Variants in RNF128 observed in about 807,000 individuals in gnomAD.
RNF128 encodes E3 ubiquitin-protein ligase RNF128.
A neutral mutation model predicts 26.2 loss-of-function variants in RNF128; 13 were observed. The observed-to-expected ratio is 0.50, with a 90% CI of 0.32 to 0.79. RNF128 has a LOEUF of 0.79. RNF128 is among the 30% of genes least tolerant of loss of function. RNF128 has a pLI of 0.03. For synonymous variants in RNF128, 149 were observed against 142.5 expected (o/e 1.05, Z -0.32); for missense variants, 315 against 349.7 (o/e 0.90, Z 0.79).
intron 1 of RNF128, among the ~76,000 whole-genome samples, chrX:106,703,311 T>C (rs1430647637): frequency 2.7e-5 from 3 of 112,091 alleles, no homozygotes; most frequent in African/African-American, 9.7e-5. Context: ...AAGGCAGTTG[T>C]TAATTGTAAG....
chrX:106,778,678 A>T (rs933078950), intron 2 of RNF128, among the ~76,000 whole-genome samples: 10 of 111,671 alleles, frequency 9.0e-5, no homozygotes, highest in African/African-American at 3.3e-4. Flanking sequence ...CAGTCCCTTC[A>T]TCTGAGTCTT....
chrX:106,775,306 G>A (rs1035841623), intron 2 of RNF128, among the ~76,000 whole-genome samples: 1 of 112,055 alleles, frequency 8.9e-6, no homozygotes, highest in African/African-American at 3.2e-5. Flanking sequence ...TATGTTCATG[G>A]TGGGGTATGT....
At chrX:106,726,197 C>T (rs1284851326), upstream of RNF128, among the ~76,000 whole-genome samples, 3 of 111,436 alleles carry the variant, frequency 2.7e-5, no homozygotes, top group African/African-American at 9.8e-5. Flanking sequence ...TTCTTAGGAG[C>T]AGGGAAAGAG....
At chrX:106,710,957 G>A (rs1929117809) in intron 1 of RNF128, among the ~76,000 whole-genome samples, 1 of 111,511 alleles carries the variant, frequency 9.0e-6, no homozygotes, top group Non-Finnish European at 1.9e-5. Context: ...ATATGCAGCT[G>A]AACTGTGCAC....
intron 1 of RNF128, among the ~76,000 whole-genome samples, chrX:106,702,593 C>T (rs1255159274): frequency 9.0e-6 from 1 of 111,680 alleles, no homozygotes; most frequent in African/African-American, 3.3e-5. Flanking sequence ...AGTACATTCC[C>T]TAGGCAGCAA....
At chrX:106,702,301 G>T (rs1928972724) in intron 1 of RNF128, among the ~76,000 whole-genome samples, 1 of 111,158 alleles carries the variant, frequency 9.0e-6, no homozygotes, top group Non-Finnish European at 1.9e-5. Flanking sequence ...CTAAACATGT[G>T]CCATTTGTTC....
chrX:106,752,116 G>A lies in RNF128; in HGVS notation c.485-20797G>A, dbSNP rs1388698887. ...CAGACAGCATTTCTAGACCCACCCT[G>A]GGCCAGAAGGGACACCACCACCCTG... On this transcript the variant is annotated intron_variant, in intron 1 of 6. Transcript: ENST00000255499. Among the ~76,000 whole-genome samples the A allele has an allele frequency of 3.6e-5, 4 of 111,393 alleles. No individual in the cohort carries two copies. The East Asian group carries it at 8.5e-4, about 24-fold the overall frequency.
intron 1 of RNF128, among the ~76,000 whole-genome samples, chrX:106,732,814 AT>A (rs1488251407): frequency 1.8e-5 from 2 of 111,728 alleles, no homozygotes; most frequent in South Asian, 7.4e-4. Context: ...GGGGTGTTTT[AT>A]TTTTTTGATC....
At chrX:106,694,188 T>C in exon 1 of RNF128, 1 of 1,210,185 alleles carries the variant, frequency 8.3e-7, no homozygotes, top group Non-Finnish European at 1.1e-6. Flanking sequence ...CAGTGGCTAA[T>C]GCTATGGGAG....
At chrX:106,764,694 C>A (rs1046271596) in intron 1 of RNF128, among the ~76,000 whole-genome samples, 2 of 111,534 alleles carry the variant, frequency 1.8e-5, no homozygotes, top group Non-Finnish European at 3.8e-5. Flanking sequence ...ACAACAACAA[C>A]AAAAACCAAC....
At chrX:106,747,670 G>A (rs1929812221) in intron 1 of RNF128, among the ~76,000 whole-genome samples, 1 of 111,881 alleles carries the variant, frequency 8.9e-6, no homozygotes, top group African/African-American at 3.2e-5. Context: ...ACACTATCAA[G>A]TTGAGAAATA....
intron 1 of RNF128, among the ~76,000 whole-genome samples, chrX:106,715,837 G>A (rs1341515403): frequency 9.0e-6 from 1 of 111,064 alleles, no homozygotes; most frequent in Non-Finnish European, 1.9e-5. Context: ...GTTCAGGCAG[G>A]GCAACAGAAT....
intron 2 of RNF128, among the ~76,000 whole-genome samples, chrX:106,784,200 C>G (rs1219905964): frequency 9.0e-6 from 1 of 111,618 alleles, no homozygotes; most frequent in Non-Finnish European, 1.9e-5. Flanking sequence ...CCAGTAACTT[C>G]AAATTGACAA....
chrX:106,767,622 G>A (rs772753936), intron 1 of RNF128, among the ~76,000 whole-genome samples: 1 of 111,628 alleles, frequency 9.0e-6, no homozygotes, highest in African/African-American at 3.3e-5. Flanking sequence ...GGGCTGAGAC[G>A]ATGGGGTTTT....
chrX:106,704,250 A>C (rs1359263205), intron 1 of RNF128, among the ~76,000 whole-genome samples: 2 of 109,444 alleles, frequency 1.8e-5, no homozygotes, highest in African/African-American at 6.7e-5. Flanking sequence ...CCTAGCTAAT[A>C]CGGTGAAACC....
chrX:106,765,870 C>G (rs1202323843), intron 1 of RNF128, among the ~76,000 whole-genome samples: 1 of 98,410 alleles, frequency 1.0e-5, no homozygotes, highest in Non-Finnish European at 2.1e-5. Context: ...TCCCCCCCAG[C>G]CCCCCACCCC....
intron 1 of RNF128, among the ~76,000 whole-genome samples, chrX:106,760,110 A>T (rs931512753): frequency 2.7e-5 from 3 of 111,598 alleles, no homozygotes; most frequent in Admixed American, 9.5e-5. Flanking sequence ...AAGAATAAAA[A>T]ATTTAGGAAA....
Position 106,742,720 on chromosome X carries a change from C to T in RNF128, c.484+15323C>T, listed in dbSNP as rs184214646. ...AAGCAATGGTGGGTAAAACTGCTGTCACCTTAACACAAATTAAGACTGTGG... is the reference window on the plus strand; with the variant it reads ...AAGCAATGGTGGGTAAAACTGCTGTTACCTTAACACAAATTAAGACTGTGG... On this transcript the variant is annotated intron_variant, in intron 1 of 6. Transcript: ENST00000255499. Among the ~76,000 whole-genome samples, 12 of 111,194 alleles carry T rather than the reference C, an allele frequency of 1.1e-4. No homozygotes were observed. In the East Asian group the frequency reaches 3.4e-3, roughly 31 times the overall value.
intron 3 of RNF128, among the ~76,000 whole-genome samples, chrX:106,787,016 T>G (rs1479696619): frequency 2.7e-5 from 3 of 111,170 alleles, no homozygotes; most frequent in Non-Finnish European, 5.7e-5. Flanking sequence ...ATGCAAAATG[T>G]ATAGCCAATT....
Sources: allele counts gnomAD v4.1 joint callset (sites outside exome capture counted in the v4.1 genomes callset), GRCh38; gene constraint gnomAD v4.1.1; transcripts MANE v1.5; gene names NCBI Gene and HGNC (gene_info 2026-07-23, HGNC 2026-07-21).